The following SUCLG2 variants were observed in gnomAD, a reference collection of about 807,000 sequenced individuals.
SUCLG2 encodes the protein succinate-CoA ligase GDP-forming subunit beta.
Under a neutral mutation model 47.9 loss-of-function variants are expected in SUCLG2, and 42 were observed. The ratio of observed to expected loss-of-function variants is 0.88; its 90% confidence interval spans 0.69 to 1.14. SUCLG2 has a LOEUF of 1.14. Ranked by LOEUF, SUCLG2 falls within the 50% of genes most tolerant of loss-of-function variation. The probability of loss-of-function intolerance (pLI) is 0.00; values close to 1 mark genes in which losing one functional copy is unlikely to be tolerated. For missense variants in SUCLG2, 571 were observed against 525.9 expected, an observed-to-expected ratio of 1.09 and a Z score of -0.84; for synonymous variants, 195 against 197.3, an observed-to-expected ratio of 0.99 and a Z score of 0.10.
chr3:67,502,783 T>C (rs1705533424), intron 7 of SUCLG2, among the ~76,000 whole-genome samples: 1 of 152,228 alleles, frequency 6.6e-6, no homozygotes, highest in African/African-American at 2.4e-5. Flanking sequence ...AGGTTACCCA[T>C]GGTTTTCAAT....
At position 67,527,309 on chromosome 3, in the gene SUCLG2, A is replaced by G. The variant is rs116124073; in HGVS notation, c.417+823T>C. Among the ~76,000 whole-genome samples the G allele has an allele frequency of 9.7e-3, 1,480 of 152,308 alleles. 27 individuals are homozygous for G. The highest frequency in any genetic ancestry group is 0.033 in the African/African-American group (1,351 of 41,558). On this transcript the variant is annotated intron_variant, in intron 4 of 10. Transcript: ENST00000307227. ...GACCCTAATTCGCTGTTAGGACAGG[A>G]TCTTCTAACCATGGATGCTTTTCAG...
At chr3:67,496,696 T>C (rs1228079587) in intron 8 of SUCLG2, among the ~76,000 whole-genome samples, 1 of 151,572 alleles carries the variant, frequency 6.6e-6, no homozygotes, top group African/African-American at 2.4e-5. Context: ...AGGTAGAGAG[T>C]TTTAATATCA....
chr3:67,601,887 C>A (rs539934415), intron 2 of SUCLG2, among the ~76,000 whole-genome samples: 1 of 152,078 alleles, frequency 6.6e-6, no homozygotes, highest in South Asian at 2.1e-4. Flanking sequence ...GAGGCTAAGT[C>A]ATGAGAACCG....
rs143813883 is a variant in SUCLG2 at position 67,508,848 on chromosome 3, T to A, written c.716A>T (p.Gln239Leu). ...YNLFLKIDAT[Q>L]VEVNPFGETP... is the part of the protein sequence containing the mutation. ...TTCACCAAAGGGATTCACTTCCACC[T>A]GAGTAGCATCAATTTTCAGGAAGAG... The change falls in exon 7 of 11, where the codon CAG (glutamine) becomes CTG (leucine). Residue 239 changes from glutamine (Q) to leucine (L), a missense_variant. Physicochemically the swap from Gln to Leu is moderately radical, Grantham distance 113 (BLOSUM62 -2). Transcript: ENST00000307227. 9.1e-5 allele frequency: 146 copies of A among 1,612,448 alleles called. No individual in the cohort carries two copies. The African/African-American group carries it at 1.7e-3, about 18-fold the overall frequency.
At chr3:67,516,196 C>A (rs546715317) in intron 6 of SUCLG2, among the ~76,000 whole-genome samples, 1 of 152,192 alleles carries the variant, frequency 6.6e-6, no homozygotes, top group Admixed American at 6.5e-5. Context: ...AAGAAAAAAA[C>A]AAATTAAAAC....
At chr3:67,547,112 G>A (rs1336316071) in intron 2 of SUCLG2, among the ~76,000 whole-genome samples, 8 of 152,192 alleles carry the variant, frequency 5.3e-5, no homozygotes, top group Admixed American at 1.3e-4. Context: ...AGTACTGGGA[G>A]GTGGGGGCAG....
chr3:67,574,764 G>A (rs1431284353), intron 2 of SUCLG2, among the ~76,000 whole-genome samples: 1 of 152,140 alleles, frequency 6.6e-6, no homozygotes, highest in Non-Finnish European at 1.5e-5. Context: ...CTAGAAACAT[G>A]AAATGACAAG....
chr3:67,643,273 C>A (rs1701134303), intron 1 of SUCLG2, among the ~76,000 whole-genome samples: 1 of 152,170 alleles, frequency 6.6e-6, no homozygotes, highest in Non-Finnish European at 1.5e-5. Flanking sequence ...CGCCATCACT[C>A]ACTTATCACC....
intron 1 of SUCLG2, among the ~76,000 whole-genome samples, chr3:67,634,034 T>C (rs929353862): frequency 6.6e-6 from 1 of 152,212 alleles, no homozygotes; most frequent in African/African-American, 2.4e-5. Context: ...TTTTCAGATG[T>C]GGTTGAATAC....
At chr3:67,432,502 T>C (rs1703512507) in intron 9 of SUCLG2, among the ~76,000 whole-genome samples, 1 of 152,214 alleles carries the variant, frequency 6.6e-6, no homozygotes, top group African/African-American at 2.4e-5. Context: ...TATACAATAT[T>C]ATATTCCAAA....
At chr3:67,441,395 G>C (rs1006973128) in intron 9 of SUCLG2, among the ~76,000 whole-genome samples, 1 of 151,902 alleles carries the variant, frequency 6.6e-6, no homozygotes, top group Non-Finnish European at 1.5e-5. Flanking sequence ...TGGCTTCAGT[G>C]TTGTGTTGAG....
At chr3:67,376,361 C>A in intron 10 of SUCLG2, 1 of 985,410 alleles carries the variant, frequency 1.0e-6, no homozygotes, top group Non-Finnish European at 1.2e-6. Flanking sequence ...CCCTTCAAAA[C>A]GGGCAAAGCA....
At chr3:67,572,343 C>T (rs868082986) in intron 2 of SUCLG2, among the ~76,000 whole-genome samples, 5 of 151,982 alleles carry the variant, frequency 3.3e-5, no homozygotes, top group South Asian at 4.2e-4. Flanking sequence ...AAAAGAGATA[C>T]AGATGGCCAA....
chr3:67,404,008 C>G (rs990521047), intron 9 of SUCLG2, among the ~76,000 whole-genome samples: 42 of 152,300 alleles, frequency 2.8e-4, no homozygotes, highest in African/African-American at 9.9e-4. Context: ...ACCTCAGCCT[C>G]CTGAGTAGCT....
chr3:67,377,450 G>A (rs906346335), intron 10 of SUCLG2, among the ~76,000 whole-genome samples: 2 of 151,122 alleles, frequency 1.3e-5, no homozygotes, highest in African/African-American at 4.9e-5. Context: ...TTGCTGGAAA[G>A]CAGCTGCCCA....
intron 1 of SUCLG2, among the ~76,000 whole-genome samples, chr3:67,609,812 T>A (rs1360805207): frequency 6.6e-6 from 1 of 152,042 alleles, no homozygotes. Flanking sequence ...TGAATGCAGG[T>A]TTTTTAAAAA....
Position 67,562,516 on chromosome 3 carries a change from G to C in SUCLG2, c.227-33330C>G, listed in dbSNP as rs1267347143. ...TGGTCTCGAACTCCTGGCCTCAAAT[G>C]ATCCACCTGCCGCAGCCTCCCAAAG... is the stretch of plus-strand genomic sequence containing the variant. On this transcript the variant is annotated intron_variant, in intron 2 of 10. Coordinates refer to ENST00000307227, the MANE Select transcript of SUCLG2 (RefSeq NM_003848.4). 5.3e-5 allele frequency among the ~76,000 whole-genome samples: 8 copies of C among 152,294 alleles called. 1 individual carries two copies. In the East Asian group the frequency reaches 1.2e-3, roughly 22 times the overall value.
At chr3:67,504,099 T>C (rs940844044) in intron 7 of SUCLG2, among the ~76,000 whole-genome samples, 2 of 152,244 alleles carry the variant, frequency 1.3e-5, no homozygotes, top group Non-Finnish European at 2.9e-5. Context: ...AACCATAATG[T>C]ACTATTGAAA....
At chr3:67,388,374 A>T (rs960010981) in intron 10 of SUCLG2, among the ~76,000 whole-genome samples, 2 of 152,142 alleles carry the variant, frequency 1.3e-5, no homozygotes, top group African/African-American at 4.8e-5. Flanking sequence ...CTCTTGTGGG[A>T]ATTGGCATCT....
Sources: allele counts gnomAD v4.1 joint callset (sites outside exome capture counted in the v4.1 genomes callset), GRCh38; gene constraint gnomAD v4.1.1; transcripts MANE v1.5; gene names NCBI Gene and HGNC (gene_info 2026-07-23, HGNC 2026-07-21).